Variants in KCNN2 observed in about 807,000 individuals in gnomAD.
The protein encoded by KCNN2 is small conductance calcium-activated potassium channel protein 2.
KCNN2 carries 24 observed loss-of-function variants against 55.5 expected under a neutral mutation model. The observed-to-expected ratio is 0.43, with a 90% CI of 0.31 to 0.61. KCNN2 has a LOEUF of 0.61. Among genes scored for constraint, KCNN2 ranks in the 20% least tolerant of loss-of-function variants. The pLI, the probability that KCNN2 is intolerant of heterozygous loss-of-function variation, is 0.08. For missense variants in KCNN2, 754 were observed against 853.6 expected (o/e 0.88, Z 1.45); for synonymous variants, 431 against 336.1 (o/e 1.28, Z -3.09).
chr5:114,076,456 A>G (rs1252811708), intron 1 of KCNN2, among the ~76,000 whole-genome samples: 1 of 152,236 alleles, frequency 6.6e-6, no homozygotes, highest in African/African-American at 2.4e-5. Flanking sequence ...TGAGAGCCAG[A>G]GGGGCCTTAA....
intron 1 of KCNN2, among the ~76,000 whole-genome samples, chr5:114,137,405 G>A (rs1271397438): frequency 6.6e-6 from 1 of 152,060 alleles, no homozygotes; most frequent in Non-Finnish European, 1.5e-5. Flanking sequence ...TATATACTTA[G>A]TCCTTCATGC....
intron 1 of KCNN2, among the ~76,000 whole-genome samples, chr5:114,080,765 T>C (rs1489038063): frequency 1.3e-5 from 2 of 151,976 alleles, no homozygotes; most frequent in Non-Finnish European, 2.9e-5. Flanking sequence ...TCCCTTATGA[T>C]CAGGAACAAG....
chr5:114,227,701 A>T (rs114446536), intron 2 of KCNN2, among the ~76,000 whole-genome samples: 381 of 152,322 alleles, frequency 2.5e-3, no homozygotes, highest in African/African-American at 8.8e-3. Flanking sequence ...GAAAAAAAGT[A>T]TGAAACCTAG....
intron 3 of KCNN2, among the ~76,000 whole-genome samples, chr5:114,410,999 T>G (rs961610888): frequency 5.3e-5 from 8 of 152,216 alleles, no homozygotes; most frequent in Non-Finnish European, 1.2e-4. Context: ...TAATCTAAAC[T>G]GCATTTTAGA....
At chr5:114,392,375 A>G (rs978500277) in intron 2 of KCNN2, among the ~76,000 whole-genome samples, 3 of 152,084 alleles carry the variant, frequency 2.0e-5, no homozygotes, top group African/African-American at 7.2e-5. Context: ...TTTTTTCTTC[A>G]TACTTTTCTC....
At chr5:114,467,298 C>G (rs549534309) in intron 4 of KCNN2, among the ~76,000 whole-genome samples, 1 of 152,322 alleles carries the variant, frequency 6.6e-6, no homozygotes, top group African/African-American at 2.4e-5. Context: ...GTAACACTCT[C>G]TGTTTCCATT....
intron 2 of KCNN2, among the ~76,000 whole-genome samples, chr5:114,239,080 A>G (rs1358122420): frequency 6.6e-6 from 1 of 152,220 alleles, no homozygotes; most frequent in African/African-American, 2.4e-5. Flanking sequence ...AGAAGCAATT[A>G]AATCATTTTG....
Position 114,363,906 on chromosome 5 carries a change from G to A in KCNN2, c.1123G>A (p.Ala375Thr). The change falls in exon 2 of 8, where the codon GCG becomes ACG. Residue 375 changes from alanine (A) to threonine (T), a missense_variant and splice_region_variant. By Grantham distance (58) the Ala-to-Thr change is moderately conservative (BLOSUM62 0). Transcript: ENST00000673685. The stretch of plus-strand genomic sequence containing the variant: ...GTGCTTCTGTCTGACTGTGTTGCAG[G>A]CGTCGCTGTATTCCTTAGCTCTGAA... ...TELSWGAYDKASLYSLALKCL... is the reference protein window; with the variant it reads ...TELSWGAYDKTSLYSLALKCL... 1.2e-6 allele frequency: 2 copies of A among 1,612,388 alleles called. No individual in the cohort carries two copies. Among genetic ancestry groups the A allele is most frequent in the East Asian group, 4.5e-5 (2 of 44,872 alleles).
intron 4 of KCNN2, among the ~76,000 whole-genome samples, chr5:114,468,010 A>G (rs1289036240): frequency 1.3e-5 from 2 of 152,162 alleles, no homozygotes; most frequent in Admixed American, 1.3e-4. Flanking sequence ...ACTATAAAGG[A>G]GGCTCGGGTT....
intron 2 of KCNN2, among the ~76,000 whole-genome samples, chr5:114,288,031 T>C (rs527638954): frequency 1.3e-5 from 2 of 152,338 alleles, no homozygotes; most frequent in South Asian, 4.1e-4. Context: ...CCTCTTCCAC[T>C]ACTCGCTGGC....
intron 2 of KCNN2, among the ~76,000 whole-genome samples, chr5:114,295,593 G>A (rs1755993699): frequency 6.6e-6 from 1 of 152,168 alleles, no homozygotes; most frequent in Admixed American, 6.5e-5. Context: ...TTTTCCAGGT[G>A]CCATCTGTCA....
At chr5:114,493,187 C>T (rs1445722223) in intron 6 of KCNN2, among the ~76,000 whole-genome samples, 2 of 152,142 alleles carry the variant, frequency 1.3e-5, no homozygotes, top group African/African-American at 2.4e-5. Flanking sequence ...AAGGACATCT[C>T]ATCTCTTGCT....
At chr5:114,235,806 A>G (rs1275610961) in intron 2 of KCNN2, among the ~76,000 whole-genome samples, 3 of 152,230 alleles carry the variant, frequency 2.0e-5, no homozygotes, top group African/African-American at 7.2e-5. Flanking sequence ...CCAAGAAGCA[A>G]TTAAGTCTCA....
intron 2 of KCNN2, among the ~76,000 whole-genome samples, chr5:114,336,115 C>G (rs556606923): frequency 6.6e-6 from 1 of 152,048 alleles, no homozygotes; most frequent in Non-Finnish European, 1.5e-5. Context: ...TTTAAGTACA[C>G]GAATAAGGAG....
chr5:114,491,411 G>A (rs1327502838), intron 6 of KCNN2, among the ~76,000 whole-genome samples: 3 of 151,254 alleles, frequency 2.0e-5, no homozygotes, highest in Admixed American at 1.3e-4. Flanking sequence ...TACGAAGAAA[G>A]GTAAAGGTAA....
chr5:114,132,552 A>T (rs1003620534), intron 1 of KCNN2, among the ~76,000 whole-genome samples: 1 of 152,204 alleles, frequency 6.6e-6, no homozygotes, highest in Admixed American at 6.5e-5. Flanking sequence ...TTATAAAATT[A>T]AGGAAGTAGT....
intron 2 of KCNN2, among the ~76,000 whole-genome samples, chr5:114,255,248 AT>A (rs1163147028): frequency 2.0e-5 from 3 of 152,228 alleles, no homozygotes; most frequent in Non-Finnish European, 4.4e-5. Flanking sequence ...TTACACGTGC[AT>A]TGTAGTGTTG....
chr5:114,169,109 A>G (rs1052592799), intron 1 of KCNN2, among the ~76,000 whole-genome samples: 5 of 152,074 alleles, frequency 3.3e-5, no homozygotes, highest in African/African-American at 1.2e-4. Flanking sequence ...ACCTTCTGCC[A>G]TGATTTTAAG....
intron 1 of KCNN2, among the ~76,000 whole-genome samples, chr5:114,211,520 T>C (rs765918769): frequency 2.0e-5 from 3 of 152,034 alleles, no homozygotes; most frequent in Non-Finnish European, 4.4e-5. Flanking sequence ...TGAGAATTCA[T>C]GGACACAAAG....
Sources: gnomAD v4.1 joint callset for allele counts (sites outside exome capture counted in the v4.1 genomes callset) on GRCh38, gnomAD v4.1.1 for gene constraint, MANE v1.5 for transcripts, NCBI Gene and HGNC (gene_info 2026-07-23, HGNC 2026-07-21) for gene names.